The following SPAG17 variants were observed in gnomAD, a reference collection of about 807,000 sequenced individuals.
SPAG17 encodes sperm associated antigen 17, also known as sperm-associated antigen 17.
Under a neutral mutation model 273.6 loss-of-function variants are expected in SPAG17, and 169 were observed. The observed-to-expected ratio is 0.62, with a 90% CI of 0.55 to 0.70. SPAG17 has a LOEUF of 0.70. Ranked by LOEUF, SPAG17 falls within the 30% of genes least tolerant of loss-of-function variation. The pLI, the probability that SPAG17 is intolerant of heterozygous loss-of-function variation, is 0.00. For synonymous variants in SPAG17, 825 were observed against 873.2 expected (o/e 0.94, Z 0.97); for missense variants, 2,557 against 2,627.8 (o/e 0.97, Z 0.59).
intron 30 of SPAG17, among the ~76,000 whole-genome samples, chr1:118,010,984 T>G (rs1571231253): frequency 6.6e-6 from 1 of 152,120 alleles, no homozygotes; most frequent in East Asian, 1.9e-4. Context: ...TCAACATCAC[T>G]GAACATTAGA....
Position 118,023,312 on chromosome 1 carries a change from G to T in SPAG17, c.4061C>A (p.Thr1354Lys). ...SETIPSEITNTKKGKSHKSQS... is the reference protein window; with the variant it reads ...SETIPSEITNKKKGKSHKSQS... ...GAGGCTTCAATTGTTACCTTTCTTT[G>T]TGTTGGTAATCTCAGATGGTATCGT... Residue 1354 changes from threonine (T) to lysine (K), a missense_variant, in exon 28 of 49, where the codon ACA becomes AAA. Thr to Lys is a moderately conservative substitution (Grantham distance 78). Coordinates refer to ENST00000336338, the MANE Select transcript of SPAG17 (RefSeq NM_206996.4). 6.2e-7 allele frequency: 1 copy of T among 1,609,446 alleles called. No homozygotes were observed. The highest frequency in any genetic ancestry group is 8.5e-7 in the Non-Finnish European group (1 of 1,177,436).
intron 5 of SPAG17, 92 bp downstream of exon 5, chr1:118,101,648 G>GCCAGGA: frequency 8.0e-7 from 1 of 1,253,122 alleles, no homozygotes; most frequent in Non-Finnish European, 1.1e-6. Context: ...GAAACTATGC[G>GCCAGGA]CTCTATGTGA....
intron 3 of SPAG17, among the ~76,000 whole-genome samples, chr1:118,146,233 C>T (rs918089269): frequency 3.3e-5 from 5 of 152,184 alleles, no homozygotes; most frequent in Non-Finnish European, 7.4e-5. Flanking sequence ...AGAATCTTGG[C>T]ATCTATGGTA....
chr1:118,117,582 G>C (rs1254014190), intron 3 of SPAG17, among the ~76,000 whole-genome samples: 1 of 152,198 alleles, frequency 6.6e-6, no homozygotes. Context: ...CAGGAGATGA[G>C]GGGCTTCACC....
In SPAG17 at chr1:118,005,670, C is replaced by A; in HGVS notation, c.4588-68G>T. The A allele has an allele frequency of 2.6e-6, 3 of 1,164,356 alleles. No individual in the cohort carries two copies. In the South Asian group the frequency reaches 7.5e-5, roughly 29 times the overall value. The allele number at this position is 1,164,356 out of a possible 1,614,324, so 72.1% of individuals were successfully genotyped here. On this transcript the variant is annotated intron_variant, in intron 31 of 48. Coordinates refer to ENST00000336338, the MANE Select transcript of SPAG17 (RefSeq NM_206996.4). ...GTTAAATATGTGGGACTTGGAAAAC[C>A]ATTTTAGGAGAAAGAATACCCATAG... is the stretch of plus-strand genomic sequence containing the variant.
At chr1:118,067,418 C>T (rs571122247) in intron 17 of SPAG17, among the ~76,000 whole-genome samples, 35 of 152,212 alleles carry the variant, frequency 2.3e-4, no homozygotes, top group East Asian at 1.9e-4. Context: ...AGATTAGTGC[C>T]GTTATAAGAA....
At chr1:118,115,712 C>A (rs145316973) in intron 3 of SPAG17, among the ~76,000 whole-genome samples, 1 of 152,236 alleles carries the variant, frequency 6.6e-6, no homozygotes, top group East Asian at 1.9e-4. Context: ...TAGACTCAGA[C>A]TCCAGGAAAA....
chr1:118,064,911 A>C (rs1652800245), intron 18 of SPAG17, among the ~76,000 whole-genome samples: 1 of 152,024 alleles, frequency 6.6e-6, no homozygotes, highest in African/African-American at 2.4e-5. Flanking sequence ...AAATCACAAG[A>C]TAGGATTTTA....
chr1:118,016,860 G>T (rs1184527313), intron 28 of SPAG17, among the ~76,000 whole-genome samples: 1 of 152,176 alleles, frequency 6.6e-6, no homozygotes, highest in African/African-American at 2.4e-5. Flanking sequence ...CAATATTTCA[G>T]TTGCTCTATC....
chr1:118,036,716 G>T, intron 24 of SPAG17, 54 bp downstream of exon 24: 1 of 1,199,110 alleles, frequency 8.3e-7, no homozygotes, highest in Non-Finnish European at 1.2e-6. Context: ...ATGGGCAGTG[G>T]CAGGGACCCT....
chr1:118,044,357 C>T (rs973453622), intron 20 of SPAG17, among the ~76,000 whole-genome samples: 7 of 151,758 alleles, frequency 4.6e-5, no homozygotes, highest in Non-Finnish European at 1.5e-5. Flanking sequence ...TGGTGGTGGG[C>T]GCCTGTAATC....
chr1:118,081,058 TACACAC>T (rs56768861), intron 15 of SPAG17, 37 bp downstream of exon 15: 500,105 of 1,208,458 alleles, frequency 0.41, 64,579 homozygotes, highest in African/African-American at 0.5. Context: ...AATAGTGTCT[TACACAC>T]ACACACACAC....
intron 35 of SPAG17, 129 bp from the exon 36 acceptor site, chr1:117,992,777 A>T (rs1324133449): frequency 2.3e-5 from 19 of 819,942 alleles, no homozygotes; most frequent in Admixed American, 3.4e-5. Context: ...GTGAAAAAAA[A>T]TCCTTAACCT....
Position 117,966,637 on chromosome 1 carries a change from A to G in SPAG17, c.6504T>C (p.His2168=). 1 of 1,613,322 alleles carries G rather than the reference A, an allele frequency of 6.2e-7. No individual in the cohort carries two copies. Among genetic ancestry groups the G allele is most frequent in the Non-Finnish European group, 8.5e-7 (1 of 1,179,704 alleles). ...ISHNIEIMTE[H]EVLFLPVEAT... ...CTTCCACAGGTAGGAACAGAACCTC[A>G]TGCTCTGTCATAATCTCGATATTGT... The change falls in exon 47 of 49, where the codon CAT becomes CAC. Residue 2168 remains histidine, a synonymous_variant. Coordinates refer to ENST00000336338, the MANE Select transcript of SPAG17 (RefSeq NM_206996.4).
At chr1:118,127,279 A>G (rs1412150686) in intron 3 of SPAG17, among the ~76,000 whole-genome samples, 1 of 152,166 alleles carries the variant, frequency 6.6e-6, no homozygotes, top group Non-Finnish European at 1.5e-5. Flanking sequence ...TATAAAGAGA[A>G]GAGGTTTAAT....
intron 3 of SPAG17, among the ~76,000 whole-genome samples, chr1:118,148,000 C>G (rs1659130980): frequency 6.6e-6 from 1 of 152,108 alleles, no homozygotes; most frequent in Non-Finnish European, 1.5e-5. Flanking sequence ...CGAGAGTACC[C>G]TACAAGTAGA....
intron 1 of SPAG17, among the ~76,000 whole-genome samples, chr1:118,168,478 A>T (rs1660275184): frequency 6.6e-6 from 1 of 152,214 alleles, no homozygotes; most frequent in South Asian, 2.1e-4. Context: ...TGGAGCTCAA[A>T]AAAGAAAACA....
rs770774268 is a variant in SPAG17, at chr1:118,008,102, C to T, written c.4529G>A (p.Cys1510Tyr). The T allele has an allele frequency of 6.2e-7, 1 of 1,614,118 alleles. No individual in the cohort carries two copies. Among genetic ancestry groups the T allele is most frequent in the South Asian group, 1.1e-5 (1 of 91,088 alleles). ...TVIANCEDSS[C>Y]CATFGDGTTI... The stretch of plus-strand genomic sequence containing the variant: ...TGTTCCATCTCCAAAGGTGGCACAG[C>T]AGCTACTGTCCTCACAGTTGGCGAT... Residue 1510 changes from cysteine (C) to tyrosine (Y), a missense_variant, in exon 31 of 49, where the codon TGC becomes TAC. By Grantham distance (194) the Cys-to-Tyr change is radical (BLOSUM62 -2). Transcript: ENST00000336338.
intron 40 of SPAG17, among the ~76,000 whole-genome samples, chr1:117,985,223 T>C (rs1452391493): frequency 6.6e-6 from 1 of 152,186 alleles, no homozygotes; most frequent in African/African-American, 2.4e-5. Flanking sequence ...GATTTGTGAA[T>C]AATGTGGTCA....
Sources: gnomAD v4.1 joint callset for allele counts (sites outside exome capture counted in the v4.1 genomes callset) on GRCh38, gnomAD v4.1.1 for gene constraint, MANE v1.5 for transcripts, NCBI Gene and HGNC (gene_info 2026-07-23, HGNC 2026-07-21) for gene names.